The following DOCK5 variants were observed in gnomAD, a reference collection of about 807,000 sequenced individuals.
DOCK5 encodes the protein dedicator of cytokinesis 5, also known as dedicator of cytokinesis protein 5.
A neutral mutation model predicts 251.8 loss-of-function variants in DOCK5; 142 were observed. The observed-to-expected ratio is 0.56, with a 90% CI of 0.49 to 0.65. The LOEUF (loss-of-function observed/expected upper bound fraction) is 0.65. Among genes scored for constraint, DOCK5 ranks in the 30% least tolerant of loss-of-function variants. The pLI, the probability that DOCK5 is intolerant of heterozygous loss-of-function variation, is 0.00. For synonymous variants in DOCK5, 842 were observed against 835.5 expected, an observed-to-expected ratio of 1.01 and a Z score of -0.13; for missense variants, 2,111 against 2,312.3, an observed-to-expected ratio of 0.91 and a Z score of 1.79.
intron 46 of DOCK5, 120 bp from the exon 47 acceptor site, chr8:25,400,809 C>A: frequency 1.8e-6 from 2 of 1,101,654 alleles, no homozygotes; most frequent in Non-Finnish European, 2.6e-6. Flanking sequence ...GTGGCCTTCC[C>A]ATTGGCCAGC....
chr8:25,211,268 A>G (rs529970415), intron 1 of DOCK5, among the ~76,000 whole-genome samples: 1 of 70,770 alleles, frequency 1.4e-5, no homozygotes, highest in East Asian at 3.1e-4. Context: ...ATAGAGTTTC[A>G]GGAGAGGAAG....
intron 19 of DOCK5, 47 bp from the exon 20 acceptor site, chr8:25,332,556 G>A (rs989175008): frequency 6.7e-7 from 1 of 1,498,608 alleles, no homozygotes; most frequent in South Asian, 1.2e-5. Flanking sequence ...GTGGTGTGGG[G>A]CTGAATGAAA....
intron 2 of DOCK5, among the ~76,000 whole-genome samples, chr8:25,247,613 A>G (rs961606717): frequency 2.7e-5 from 4 of 148,546 alleles, no homozygotes; most frequent in African/African-American, 1.1e-4. Flanking sequence ...AAAAAAAAGT[A>G]ATTTTAAGTG....
At chr8:25,375,998 T>C in intron 37 of DOCK5, 1 of 821,740 alleles carries the variant, frequency 1.2e-6, no homozygotes, top group Non-Finnish European at 1.5e-6. Context: ...CTCAGGAGGC[T>C]GAGGCAGGAG....
chr8:25,357,035 A>G (rs1050955162), intron 27 of DOCK5, among the ~76,000 whole-genome samples: 1 of 151,444 alleles, frequency 6.6e-6, no homozygotes, highest in African/African-American at 2.4e-5. Flanking sequence ...AGCTATTATA[A>G]GCCACTAAGC....
At chr8:25,189,042 CTTTCTTTTTTT>C (rs1801510526) in intron 1 of DOCK5, among the ~76,000 whole-genome samples, 1 of 97,636 alleles carries the variant, frequency 1.0e-5, no homozygotes, top group Non-Finnish European at 2.2e-5. Flanking sequence ...TTCTTTCTTT[CTTTCTTTTTTT>C]TTTTTTTTTT....
chr8:25,246,276 G>T (rs1039502725), intron 2 of DOCK5, among the ~76,000 whole-genome samples: 1 of 151,922 alleles, frequency 6.6e-6, no homozygotes, highest in African/African-American at 2.4e-5. Context: ...TGTTGTTGTT[G>T]TTTTTTGTAT....
At chr8:25,342,737 C>T (rs568012795) in intron 25 of DOCK5, among the ~76,000 whole-genome samples, 45 of 97,112 alleles carry the variant, frequency 4.6e-4, no homozygotes, top group African/African-American at 1.8e-3. Context: ...CTCATTCTGT[C>T]ACCCAGGCTG....
rs1802133786 is a variant in DOCK5 at position 25,212,609 on chromosome 8, G to A, written c.43+27658G>A. On this transcript the variant is annotated intron_variant, in intron 1 of 51. Transcript: ENST00000276440. ...AACATCTGGATCCCATTTCACTTGCGAAGTCTGTTTTGAAAGGAAATATCC... is the reference window on the plus strand; with the variant it reads ...AACATCTGGATCCCATTTCACTTGCAAAGTCTGTTTTGAAAGGAAATATCC... Among the ~76,000 whole-genome samples, 4 of 71,458 alleles carry A rather than the reference G, an allele frequency of 5.6e-5. 2 individuals carry two copies. In the Admixed American group the frequency reaches 6.3e-4, roughly 11 times the overall value. 46.9% of individuals were successfully genotyped at this position (71,458 alleles called of 152,430 possible). A position where few individuals can be genotyped will look rare whatever the true frequency, so the allele number is the denominator to read the frequency against.
intron 1 of DOCK5, among the ~76,000 whole-genome samples, chr8:25,195,036 A>G (rs1235306380): frequency 6.6e-6 from 1 of 151,556 alleles, no homozygotes; most frequent in Admixed American, 6.6e-5. Context: ...TTCTCCTGCC[A>G]TAGCCTCCCG....
In DOCK5 at chr8:25,373,642, G is replaced by A; in HGVS notation, c.3709G>A (p.Glu1237Lys). The change falls in exon 36 of 52, where the codon GAG becomes AAG. Residue 1237 changes from glutamate (E) to lysine (K), a missense_variant. Transcript: ENST00000276440. ...VLNFYKEKKR[E>K]DIYIRYLYKL... ...GAACTTTTATAAAGAAAAGAAGAGAGAGGACATATACATAAGGTAAGCTGA... is the reference window on the plus strand; with the variant it reads ...GAACTTTTATAAAGAAAAGAAGAGAAAGGACATATACATAAGGTAAGCTGA... The A allele has an allele frequency of 6.3e-7, 1 of 1,597,022 alleles. No homozygotes were observed. Among genetic ancestry groups the A allele is most frequent in the South Asian group, 1.1e-5 (1 of 87,728 alleles).
At chr8:25,232,931 T>C (rs1802706369) in intron 1 of DOCK5, among the ~76,000 whole-genome samples, 2 of 152,120 alleles carry the variant, frequency 1.3e-5, no homozygotes, top group African/African-American at 2.4e-5. Context: ...TGCCTCTTGC[T>C]CTTTTCCAGT....
chr8:25,190,609 A>T (rs1216876890), intron 1 of DOCK5, among the ~76,000 whole-genome samples: 2 of 151,998 alleles, frequency 1.3e-5, no homozygotes, highest in African/African-American at 4.8e-5. Context: ...GATCCTCTGG[A>T]TTTAACAGAT....
At chr8:25,358,897 C>T in intron 27 of DOCK5, 66 bp from the exon 28 acceptor site, 1 of 1,416,176 alleles carries the variant, frequency 7.1e-7, no homozygotes, top group South Asian at 1.2e-5. Flanking sequence ...TCATGGGGCT[C>T]ACATAGTGTT....
intron 22 of DOCK5, 53 bp downstream of exon 22, chr8:25,336,426 C>CT: frequency 1.3e-6 from 2 of 1,597,168 alleles, no homozygotes; most frequent in South Asian, 1.1e-5. Flanking sequence ...ACTCTGTGTG[C>CT]TTTTTCCCTC....
At chr8:25,236,882 A>T (rs1053291103) in intron 1 of DOCK5, among the ~76,000 whole-genome samples, 1 of 152,140 alleles carries the variant, frequency 6.6e-6, no homozygotes, top group African/African-American at 2.4e-5. Context: ...GACAGGCATA[A>T]GCCACTGCGC....
chr8:25,350,331 C>T (rs1800444217), intron 26 of DOCK5, among the ~76,000 whole-genome samples: 1 of 150,010 alleles, frequency 6.7e-6, no homozygotes, highest in African/African-American at 2.5e-5. Context: ...CAGATAGAGG[C>T]TATGAAAAGT....
At chr8:25,409,596 C>T (rs1439646690) in intron 50 of DOCK5, 4 of 155,298 alleles carry the variant, frequency 2.6e-5, no homozygotes, top group Non-Finnish European at 2.9e-5. Context: ...CGCCTGTAAT[C>T]CCAGCACTTT....
At chr8:25,239,341 ATGTGTG>A (rs55869213) in intron 1 of DOCK5, among the ~76,000 whole-genome samples, 9 of 142,292 alleles carry the variant, frequency 6.3e-5, no homozygotes, top group African/African-American at 1.4e-4. Flanking sequence ...GTGTGTGTGT[ATGTGTG>A]TGTGTGTGTG....
Sources: allele counts gnomAD v4.1 joint callset (sites outside exome capture counted in the v4.1 genomes callset), GRCh38; gene constraint gnomAD v4.1.1; transcripts MANE v1.5; gene names NCBI Gene and HGNC (gene_info 2026-07-23, HGNC 2026-07-21).